REXO2: variants seen among roughly 807,000 people sequenced by gnomAD.
REXO2 encodes oligoribonuclease, mitochondrial.
In REXO2, 17 loss-of-function variants were observed where a neutral mutation model predicts 30.9. The observed-to-expected ratio is 0.55, with a 90% confidence interval of 0.38 to 0.82. The LOEUF (loss-of-function observed/expected upper bound fraction) is 0.82, where lower values mean the gene tolerates loss of function less well. REXO2 is among the 40% of genes least tolerant of loss of function. The pLI, the probability that REXO2 is intolerant of heterozygous loss-of-function variation, is 0.00. For missense variants in REXO2, 253 were observed against 293.2 expected (o/e 0.86, Z 1.00); for synonymous variants, 105 against 99.6 (o/e 1.05, Z -0.32).
In REXO2 at chr11:114,450,069, T is replaced by C; in HGVS notation, c.*94T>C. 1.6e-6 allele frequency: 2 copies of C among 1,260,000 alleles called. No individual in the cohort carries two copies. The highest frequency in any genetic ancestry group is 1.4e-5 in the South Asian group (1 of 69,062). 78.1% of individuals were successfully genotyped at this position (1,260,000 alleles called of 1,614,324 possible). ...TGATGGCTTGGCAGAGCACCTTCGG[T>C]TAACTTGCATCTCCAGATTGATTAC... On this transcript the variant is annotated 3_prime_UTR_variant, in exon 7 of 7. Coordinates refer to ENST00000265881, the MANE Select transcript of REXO2 (RefSeq NM_015523.4).
At chr11:114,442,880 A>AT (rs888420805) in intron 2 of REXO2, among the ~76,000 whole-genome samples, 3 of 151,642 alleles carry the variant, frequency 2.0e-5, no homozygotes, top group Non-Finnish European at 2.9e-5. Context: ...TACCTCTTTA[A>AT]TTTTTTTTTA....
chr11:114,444,259 A>C (rs1946498631), intron 3 of REXO2: 1 of 615,558 alleles, frequency 1.6e-6, no homozygotes, highest in Non-Finnish European at 3.0e-6. Context: ...TCTCCTGTTA[A>C]TAGTTGTTTC....
chr11:114,449,971 G>T lies in REXO2; in HGVS notation c.710G>T (p.Ser237Ile). 1 of 1,595,498 alleles carries T rather than the reference G, an allele frequency of 6.3e-7. No homozygotes were observed. Among genetic ancestry groups the T allele is most frequent in the Non-Finnish European group, 8.5e-7 (1 of 1,171,786 alleles). Residue 237 changes from serine to isoleucine, a missense_variant, in exon 7 of 7, where the codon AGT becomes ATT. Coordinates refer to ENST00000265881, the MANE Select transcript of REXO2 (RefSeq NM_015523.4). Reference sequence around the variant, plus strand: ...AATGGGGAAAATGAGAAGACCGTGAGTTGATGCCAGTTATCATGCTGCCAC... The same window carrying T: ...AATGGGGAAAATGAGAAGACCGTGATTTGATGCCAGTTATCATGCTGCCAC... ...IENGENEKTV[S>I]
At chr11:114,442,610 T>G (rs1164460876) in intron 2 of REXO2, among the ~76,000 whole-genome samples, 4 of 152,200 alleles carry the variant, frequency 2.6e-5, no homozygotes, top group African/African-American at 9.6e-5. Context: ...TAATAATACC[T>G]TGGATTTATG....
Position 114,443,761 on chromosome 11 carries a change from T to C in REXO2, c.232-95T>C, listed in dbSNP as rs149862561. The C allele has an allele frequency of 3.7e-4, 306 of 817,126 alleles. 2 individuals are homozygous for C. In the East Asian group the frequency reaches 7.3e-3, roughly 19 times the overall value. The allele number at this position is 817,126 out of a possible 1,614,324, so 50.6% of individuals were successfully genotyped here. A position where few individuals can be genotyped will look rare whatever the true frequency, so the allele number is the denominator to read the frequency against. On this transcript the variant is annotated intron_variant, in intron 2 of 6. Transcript: ENST00000265881. Reference sequence around the variant, plus strand: ...TCCTTATCTCTTACTTTCTCTGATATGTATATTTAGTCCTTAAAACAGCTT... The same window carrying C: ...TCCTTATCTCTTACTTTCTCTGATACGTATATTTAGTCCTTAAAACAGCTT...
chr11:114,444,616 C>T lies in REXO2; in HGVS notation c.385C>T (p.Arg129Ter), dbSNP rs141309667. ...QAEYEFLSFV[R>*]QQTPPGLCPL... ...AGAGTATGAATTTCTGTCCTTTGTA[C>T]GACAGCAGACTCCTCCAGGGCTCTG... Residue 129 changes from arginine (R) to a stop codon, truncating the protein, a stop_gained, in exon 4 of 7, where the codon CGA (arginine) becomes TGA (stop). Transcript: ENST00000265881. LOFTEE classifies it high-confidence loss of function. 15 of 1,608,176 alleles carry T rather than the reference C, an allele frequency of 9.3e-6. No homozygotes were observed. The highest frequency in any genetic ancestry group is 5.4e-5 in the African/African-American group (4 of 74,434).
rs1413822890 is a variant in REXO2, at chr11:114,439,542, C to A, written c.14C>A (p.Ser5Tyr). The A allele has an allele frequency of 3.7e-6, 6 of 1,607,506 alleles. No homozygotes were observed. The highest frequency in any genetic ancestry group is 2.2e-5 in the East Asian group (1 of 44,822). Residue 5 changes from serine to tyrosine, a missense_variant, in exon 1 of 7, where the codon TCC (serine) becomes TAC (tyrosine). Ser to Tyr is a moderately radical substitution (Grantham distance 144). Coordinates refer to ENST00000265881, the MANE Select transcript of REXO2 (RefSeq NM_015523.4). ...TGGTCCCGGGTGATGCTAGGCGGCT[C>A]CCTGGGCTCCAGGCTGTTGCGGGGT... MLGGSLGSRLLRGVG... is the reference protein window; with the variant it reads MLGGYLGSRLLRGVG...
chr11:114,445,891 C>A, intron 4 of REXO2, 88 bp from the exon 5 acceptor site: 1 of 762,202 alleles, frequency 1.3e-6, no homozygotes, highest in Non-Finnish European at 2.3e-6. Flanking sequence ...AAAAAATCAT[C>A]TCCATTTCAA....
chr11:114,439,816 G>A, intron 1 of REXO2, 141 bp downstream of exon 1: 2 of 1,016,474 alleles, frequency 2.0e-6, no homozygotes, highest in Non-Finnish European at 2.8e-6. Flanking sequence ...GGGCGGTGCA[G>A]GGCAAGTCCG....
rs772168556 is a variant in REXO2 at position 114,439,707 on chromosome 11, C to G, written c.147+32C>G. Reference sequence around the variant, plus strand: ...GAGGTCGGCGGGGGGCTTGGGGAGGCGAGTGAGGTTTCGCTCGTGGAACCG... The same window carrying G: ...GAGGTCGGCGGGGGGCTTGGGGAGGGGAGTGAGGTTTCGCTCGTGGAACCG... On this transcript the variant is annotated intron_variant, in intron 1 of 6. Transcript: ENST00000265881. 2.1e-6 allele frequency: 3 copies of G among 1,450,702 alleles called. No individual in the cohort carries two copies. In the East Asian group the frequency reaches 7.8e-5, roughly 38 times the overall value. The allele number at this position is 1,450,702 out of a possible 1,614,324, so 89.9% of individuals were successfully genotyped here. A position where few individuals can be genotyped will look rare whatever the true frequency, so the allele number is the denominator to read the frequency against.
intron 6 of REXO2, among the ~76,000 whole-genome samples, chr11:114,448,584 T>A (rs1190559455): frequency 3.3e-5 from 5 of 152,244 alleles, no homozygotes; most frequent in Non-Finnish European, 7.3e-5. Context: ...AGGCCTAGAC[T>A]ACCTTATCTG....
chr11:114,448,018 T>G, intron 6 of REXO2, 139 bp downstream of exon 6: 7 of 674,368 alleles, frequency 1.0e-5, no homozygotes, highest in Non-Finnish European at 1.8e-5. Flanking sequence ...ATAACATTCT[T>G]TTACTGTTAG....
chr11:114,446,932 G>GGTTTT (rs1946512686), intron 5 of REXO2, among the ~76,000 whole-genome samples: 1 of 138,370 alleles, frequency 7.2e-6, no homozygotes, highest in African/African-American at 2.8e-5. Context: ...TAGAAAGGAG[G>GGTTTT]CTTTTTTTTT....
intron 1 of REXO2, chr11:114,440,126 A>G (rs1320834757): frequency 2.2e-6 from 1 of 465,062 alleles, no homozygotes; most frequent in Non-Finnish European, 4.3e-6. Context: ...AGGCCCACAG[A>G]AAGGATTCAA....
At chr11:114,441,611 G>A in intron 2 of REXO2, 1 of 635,850 alleles carries the variant, frequency 1.6e-6, no homozygotes, top group Non-Finnish European at 2.8e-6. Flanking sequence ...TCCAGAATAG[G>A]AACAAAGTAG....
At chr11:114,441,389 C>T (rs887398796) in intron 2 of REXO2, among the ~76,000 whole-genome samples, 1 of 152,192 alleles carries the variant, frequency 6.6e-6, no homozygotes, top group African/African-American at 2.4e-5. Context: ...TAGTGCACAC[C>T]CGTAAAGTGT....
chr11:114,441,003 A>C (rs76997778), intron 2 of REXO2: 17,235 of 318,006 alleles, frequency 0.054, 691 homozygotes, highest in African/African-American at 0.14. Context: ...CTGAGCGCTT[A>C]CTGTATGCCA....
At chr11:114,443,410 A>G (rs1247735337) in intron 2 of REXO2, among the ~76,000 whole-genome samples, 4 of 151,692 alleles carry the variant, frequency 2.6e-5, no homozygotes, top group African/African-American at 7.3e-5. Context: ...TGGCCTAGAC[A>G]CTTTTCAAAA....
chr11:114,441,344 C>A (rs1946477076), intron 2 of REXO2, among the ~76,000 whole-genome samples: 1 of 152,204 alleles, frequency 6.6e-6, no homozygotes, highest in Non-Finnish European at 1.5e-5. Context: ...ACATGTGATT[C>A]TTCTAGATCA....
Sources: gnomAD v4.1 joint callset for allele counts (sites outside exome capture counted in the v4.1 genomes callset) on GRCh38, gnomAD v4.1.1 for gene constraint, MANE v1.5 for transcripts, NCBI Gene and HGNC (gene_info 2026-07-23, HGNC 2026-07-21) for gene names.